The following RBMS3 variants were observed in gnomAD, a reference collection of about 807,000 sequenced individuals.
RBMS3 encodes the protein RNA-binding motif, single-stranded-interacting protein 3.
A neutral mutation model predicts 66.8 loss-of-function variants in RBMS3; 27 were observed. The observed-to-expected ratio is 0.40, with a 90% CI of 0.30 to 0.56. The LOEUF (loss-of-function observed/expected upper bound fraction) is 0.56, where lower values mean the gene tolerates loss of function less well. Ranked by LOEUF, RBMS3 falls within the 20% of genes least tolerant of loss-of-function variation. The pLI is 0.40. For synonymous variants in RBMS3, 188 were observed against 183.0 expected (o/e 1.03, Z -0.22); for missense variants, 513 against 549.5 (o/e 0.93, Z 0.66).
chr3:29,556,851 C>T (rs1389798418), intron 3 of RBMS3, among the ~76,000 whole-genome samples: 1 of 152,128 alleles, frequency 6.6e-6, no homozygotes, highest in Non-Finnish European at 1.5e-5. Flanking sequence ...CTCTTTCTTT[C>T]CCAGCAGTGG....
At chr3:29,392,831 G>A (rs1404763949) in intron 1 of RBMS3, among the ~76,000 whole-genome samples, 4 of 151,434 alleles carry the variant, frequency 2.6e-5, no homozygotes, top group African/African-American at 9.7e-5. Context: ...TGGGTCAGGT[G>A]AAAAGAGATC....
intron 3 of RBMS3, among the ~76,000 whole-genome samples, chr3:29,504,413 A>T (rs2044101310): frequency 6.6e-6 from 1 of 152,146 alleles, no homozygotes; most frequent in African/African-American, 2.4e-5. Context: ...ATAATTTAAG[A>T]GGCAGTGAGC....
intron 6 of RBMS3, among the ~76,000 whole-genome samples, chr3:29,808,849 TATA>T (rs1404539084): frequency 1.3e-5 from 2 of 151,910 alleles, no homozygotes; most frequent in Non-Finnish European, 2.9e-5. Context: ...TGAAAAGAAT[TATA>T]ATGATAATAG....
intron 4 of RBMS3, among the ~76,000 whole-genome samples, chr3:29,661,260 C>A (rs2149229503): frequency 6.6e-6 from 1 of 152,292 alleles, no homozygotes; most frequent in Non-Finnish European, 1.5e-5. Context: ...GGTGGGGAGA[C>A]AAATTCTTGA....
At position 29,555,485 on chromosome 3, in the gene RBMS3, G is replaced by C. The variant is rs535337822; in HGVS notation, c.308-31629G>C. The stretch of plus-strand genomic sequence containing the variant: ...ATACAGTATGAAGGCCAAGTAATCC[G>C]TCTGCTTGAGGATCTAGAAGGAATT... On this transcript the variant is annotated intron_variant, in intron 3 of 14. Transcript: ENST00000383767. 1.5e-3 allele frequency among the ~76,000 whole-genome samples: 235 copies of C among 152,178 alleles called. 2 individuals are homozygous for C. The highest frequency in any genetic ancestry group is 5.3e-3 in the African/African-American group (219 of 41,520).
intron 1 of RBMS3, among the ~76,000 whole-genome samples, chr3:29,363,327 A>C (rs1256482894): frequency 6.6e-6 from 1 of 152,184 alleles, no homozygotes; most frequent in Non-Finnish European, 1.5e-5. Flanking sequence ...CTTTACTACA[A>C]ATAATCATGA....
At chr3:29,880,419 T>C (rs962642030) in intron 7 of RBMS3, among the ~76,000 whole-genome samples, 6 of 152,190 alleles carry the variant, frequency 3.9e-5, no homozygotes, top group Non-Finnish European at 8.8e-5. Context: ...GTGTGATTCT[T>C]GAGTTTGTAA....
At chr3:29,987,295 G>C (rs1698453801) in intron 12 of RBMS3, among the ~76,000 whole-genome samples, 1 of 152,186 alleles carries the variant, frequency 6.6e-6, no homozygotes, top group African/African-American at 2.4e-5. Context: ...TTGAAGAGTA[G>C]AACTTTGAAG....
chr3:29,909,116 C>G (rs1488526290), intron 10 of RBMS3, among the ~76,000 whole-genome samples: 1 of 151,954 alleles, frequency 6.6e-6, no homozygotes, highest in Non-Finnish European at 1.5e-5. Flanking sequence ...GAGCAAATAG[C>G]CTGCCTTAAG....
intron 2 of RBMS3, among the ~76,000 whole-genome samples, chr3:29,474,677 A>T (rs147388422): frequency 1.2e-3 from 179 of 152,352 alleles, no homozygotes; most frequent in African/African-American, 4.2e-3. Flanking sequence ...ACCATATAGT[A>T]GGGACAGTGC....
chr3:30,004,212 T>G lies in RBMS3; in HGVS notation c.*350T>G, dbSNP rs571440722. The stretch of plus-strand genomic sequence containing the variant: ...ATTTTTCTGAAGGTGTAGATACTTT[T>G]TTTTTTTTTTTAACAGAAAACCTGA... On this transcript the variant is annotated 3_prime_UTR_variant, in exon 15 of 15. Transcript: ENST00000383767. 1 of 175,388 alleles carries G rather than the reference T, an allele frequency of 5.7e-6. No individual in the cohort carries two copies. The highest frequency in any genetic ancestry group is 2.4e-5 in the African/African-American group (1 of 42,444). 10.9% of individuals were successfully genotyped at this position (175,388 alleles called of 1,614,324 possible).
In RBMS3 at chr3:29,486,199, G is replaced by C. The variant is rs562336284; in HGVS notation, c.249-2242G>C. Reference sequence around the variant, plus strand: ...TCACAGAGAATACAGAGCCAGTCATGCAGAAAGTACCTGTTTGTCATCCTG... The same window carrying C: ...TCACAGAGAATACAGAGCCAGTCATCCAGAAAGTACCTGTTTGTCATCCTG... On this transcript the variant is annotated intron_variant, in intron 2 of 14. Coordinates refer to ENST00000383767, the MANE Select transcript of RBMS3 (RefSeq NM_001003793.3). 1.2e-4 allele frequency among the ~76,000 whole-genome samples: 19 copies of C among 152,240 alleles called. No individual in the cohort carries two copies. In the Middle Eastern group the frequency reaches 0.01, roughly 82 times the overall value.
chr3:29,606,885 T>G (rs73046597), intron 4 of RBMS3, among the ~76,000 whole-genome samples: 1,838 of 152,110 alleles, frequency 0.012, 33 homozygotes, highest in South Asian at 0.043. Context: ...TTGAAAATTT[T>G]TCCATTGTAT....
chr3:29,472,111 A>G (rs2042750055), intron 2 of RBMS3, among the ~76,000 whole-genome samples: 2 of 152,136 alleles, frequency 1.3e-5, no homozygotes, highest in Admixed American at 6.5e-5. Context: ...TATTTTCACA[A>G]ACTGAACACA....
chr3:29,541,779 C>T (rs1215814249), intron 3 of RBMS3, among the ~76,000 whole-genome samples: 1 of 152,146 alleles, frequency 6.6e-6, no homozygotes, highest in Admixed American at 6.5e-5. Context: ...CCCCCACCTC[C>T]TCTGCCCCTT....
rs571651163 is a variant in RBMS3, at chr3:29,998,929, T to C, written c.1308-4927T>C. 7.2e-5 allele frequency among the ~76,000 whole-genome samples: 11 copies of C among 152,100 alleles called. No individual in the cohort carries two copies. In the South Asian group the frequency reaches 2.1e-3, roughly 29 times the overall value. ...GCCAAAATTGACAAATGGGATCTAA[T>C]TAAACTAAAGAGCTTCTGCACAGCA... On this transcript the variant is annotated intron_variant, in intron 14 of 14. Transcript: ENST00000383767.
intron 8 of RBMS3, among the ~76,000 whole-genome samples, chr3:29,889,733 C>G (rs534053825): frequency 6.6e-6 from 1 of 151,582 alleles, no homozygotes; most frequent in East Asian, 1.9e-4. Context: ...GAATATAACT[C>G]AATGAAGACA....
chr3:29,445,275 G>A (rs557512635), intron 2 of RBMS3, among the ~76,000 whole-genome samples: 1 of 152,080 alleles, frequency 6.6e-6, no homozygotes, highest in South Asian at 2.1e-4. Flanking sequence ...GGTGAAAGAA[G>A]GAAGGTTCTG....
intron 4 of RBMS3, among the ~76,000 whole-genome samples, chr3:29,713,175 G>C (rs755797472): frequency 5.3e-5 from 8 of 151,716 alleles, no homozygotes; most frequent in Non-Finnish European, 1.0e-4. Context: ...CTTTAGAAAA[G>C]TGTTCAATTG....
Sources: gnomAD v4.1 joint callset for allele counts (sites outside exome capture counted in the v4.1 genomes callset) on GRCh38, gnomAD v4.1.1 for gene constraint, MANE v1.5 for transcripts, NCBI Gene and HGNC (gene_info 2026-07-23, HGNC 2026-07-21) for gene names.